Variants in ALS2 observed in about 807,000 individuals in gnomAD.
ALS2 encodes the protein alsin.
In ALS2, 117 loss-of-function variants were observed where a neutral mutation model predicts 203.4. The ratio of observed to expected loss-of-function variants is 0.58; its 90% CI spans 0.50 to 0.67. The LOEUF is 0.67. ALS2 is among the 30% of genes least tolerant of loss of function. The pLI, the probability that ALS2 is intolerant of heterozygous loss-of-function variation, is 0.00. For missense variants in ALS2, 1,715 were observed against 1,989.4 expected, an observed-to-expected ratio of 0.86 and a Z score of 2.62; for synonymous variants, 718 against 725.9, an observed-to-expected ratio of 0.99 and a Z score of 0.17.
At position 201,749,705 on chromosome 2, in the gene ALS2, A is replaced by T; in HGVS notation, c.1815+7T>A. ...GGAATAAGTTGCTATCAAGTTCACAAAAGTACCTTTGCAAGACGAGGAACT... is the reference window on the plus strand; with the variant it reads ...GGAATAAGTTGCTATCAAGTTCACATAAGTACCTTTGCAAGACGAGGAACT... On this transcript the variant is annotated splice_region_variant and intron_variant, in intron 8 of 33. Coordinates refer to ENST00000264276, the MANE Select transcript of ALS2 (RefSeq NM_020919.4). 6.2e-7 allele frequency: 1 copy of T among 1,612,370 alleles called. No homozygotes were observed.
At chr2:201,760,319 A>C (rs1465942518) in intron 4 of ALS2, 1 of 983,608 alleles carries the variant, frequency 1.0e-6, no homozygotes, top group Non-Finnish European at 1.2e-6. Context: ...TCAAAAACAA[A>C]CAAACAAAAA....
chr2:201,709,966 C>T lies in ALS2; in HGVS notation c.4195G>A (p.Val1399Met), dbSNP rs41309054. 19 of 1,613,982 alleles carry T rather than the reference C, an allele frequency of 1.2e-5. No individual in the cohort carries two copies. The highest frequency in any genetic ancestry group is 1.6e-4 in the Middle Eastern group (1 of 6,084). Residue 1399 changes from valine (V) to methionine (M), a missense_variant, in exon 27 of 34, where the codon GTG becomes ATG. Val to Met is a conservative substitution (Grantham distance 21, BLOSUM62 1). Coordinates refer to ENST00000264276, the MANE Select transcript of ALS2 (RefSeq NM_020919.4). ...AACCTGCGGTTGGCTCCTACGCCCA[C>T]GTATGTCATTCTATACACTGCAACC... is the stretch of plus-strand genomic sequence containing the variant. ...TLVAVYRMTY[V>M]GVGANRRLLQ...
chr2:201,771,837 T>C (rs911565861), intron 1 of ALS2, among the ~76,000 whole-genome samples: 2 of 152,252 alleles, frequency 1.3e-5, no homozygotes, highest in African/African-American at 2.4e-5. Context: ...GCAAGATCCT[T>C]GTACTCTGCT....
chr2:201,709,721 A>C lies in ALS2; in HGVS notation c.4280+160T>G, dbSNP rs187899478. Reference sequence around the variant, plus strand: ...ACAATAGCTAAGGTTCATCTTTTTTATGTTTATAGCTTACACATACATTTA... The same window carrying C: ...ACAATAGCTAAGGTTCATCTTTTTTCTGTTTATAGCTTACACATACATTTA... On this transcript the variant is annotated intron_variant, in intron 27 of 33. Transcript: ENST00000264276. Among the ~76,000 whole-genome samples, 7 of 152,340 alleles carry C rather than the reference A, an allele frequency of 4.6e-5. No homozygotes were observed. In the South Asian group the frequency reaches 6.2e-4, roughly 14 times the overall value.
At chr2:201,760,484 CTT>C (rs1428840489) in intron 4 of ALS2, 2 of 1,001,384 alleles carry the variant, frequency 2.0e-6, no homozygotes, top group Admixed American at 5.7e-5. Flanking sequence ...AAGGAAAAGA[CTT>C]TTCTCTACAG....
At position 201,726,688 on chromosome 2, in the gene ALS2, C is replaced by T. The variant is rs1064797281; in HGVS notation, c.3158G>A (p.Trp1053Ter). Reference protein sequence around the residue: ...RLKDATYDGRWLSGKPHGRGV... With the variant: ...RLKDATYDGR ...CCTGCCATGAGGCTTCCCTGAAAGCCAGCGTCCATCATAGGTGGCATCCTT... is the reference window on the plus strand; with the variant it reads ...CCTGCCATGAGGCTTCCCTGAAAGCTAGCGTCCATCATAGGTGGCATCCTT... The change falls in exon 18 of 34, where the codon TGG becomes TAG. Residue 1053 changes from tryptophan to a stop codon, truncating the protein, a stop_gained. Coordinates refer to ENST00000264276, the MANE Select transcript of ALS2 (RefSeq NM_020919.4). LOFTEE classifies it high-confidence loss of function. 3.1e-6 allele frequency: 5 copies of T among 1,614,020 alleles called. No homozygotes were observed. Among genetic ancestry groups the T allele is most frequent in the Non-Finnish European group, 4.2e-6 (5 of 1,180,040 alleles).
intron 12 of ALS2, among the ~76,000 whole-genome samples, chr2:201,735,403 C>T (rs1386352253): frequency 2.0e-5 from 3 of 152,100 alleles, no homozygotes; most frequent in Admixed American, 6.5e-5. Flanking sequence ...AGGAAAAAAA[C>T]TTGCATAATA....
At chr2:201,750,592 G>C (rs776670604) in intron 7 of ALS2, among the ~76,000 whole-genome samples, 1 of 46,284 alleles carries the variant, frequency 2.2e-5, no homozygotes, top group Non-Finnish European at 1.0e-4. Context: ...ACAGACAAAA[G>C]AAACTAGATT....
chr2:201,768,804 T>G, intron 2 of ALS2, 62 bp downstream of exon 2: 1 of 1,478,104 alleles, frequency 6.8e-7, no homozygotes, highest in Non-Finnish European at 9.5e-7. Context: ...AAGCTACACA[T>G]ATGTGAAGCT....
At chr2:201,707,747 A>C in intron 28 of ALS2, 122 bp downstream of exon 28, 1 of 1,363,324 alleles carries the variant, frequency 7.3e-7, no homozygotes, top group Non-Finnish European at 1.0e-6. Flanking sequence ...CCTGGCCCCA[A>C]CCATATCATT....
chr2:201,759,097 G>C (rs1224613734), intron 4 of ALS2, among the ~76,000 whole-genome samples: 1 of 152,098 alleles, frequency 6.6e-6, no homozygotes, highest in African/African-American at 2.4e-5. Flanking sequence ...ATGGTATTTA[G>C]AGGTAACTAT....
chr2:201,703,743 T>G (rs867351724), intron 33 of ALS2, among the ~76,000 whole-genome samples: 1 of 152,358 alleles, frequency 6.6e-6, no homozygotes. Flanking sequence ...AATTCATTAT[T>G]TACATACTGC....
At chr2:201,732,695 G>C (rs996099388) in intron 13 of ALS2, among the ~76,000 whole-genome samples, 1 of 152,220 alleles carries the variant, frequency 6.6e-6, no homozygotes, top group African/African-American at 2.4e-5. Context: ...TTTGAAAGGT[G>C]AATGTCTCAG....
At position 201,760,244 on chromosome 2, in the gene ALS2, G is replaced by A. The variant is rs535407316; in HGVS notation, c.1113+637C>T. 12 of 792,688 alleles carry A rather than the reference G, an allele frequency of 1.5e-5. No individual in the cohort carries two copies. The Admixed American group carries it at 3.1e-4, about 21-fold the overall frequency. The allele number at this position is 792,688 out of a possible 1,614,324, so 49.1% of individuals were successfully genotyped here. On this transcript the variant is annotated intron_variant, in intron 4 of 33. Coordinates refer to ENST00000264276, the MANE Select transcript of ALS2 (RefSeq NM_020919.4). The stretch of plus-strand genomic sequence containing the variant: ...GAGGATCGCTTGAACCTGGGAGATC[G>A]AGGCTGCAGTGAGCCACAATCGCAT...
At chr2:201,712,850 G>A (rs773543979) in intron 25 of ALS2, among the ~76,000 whole-genome samples, 11 of 151,998 alleles carry the variant, frequency 7.2e-5, no homozygotes, top group Non-Finnish European at 1.6e-4. Flanking sequence ...TCAGTATTTT[G>A]AAAATGTTGG....
At chr2:201,718,018 A>G (rs1248599416) in intron 24 of ALS2, 59 bp downstream of exon 24, 1 of 1,567,210 alleles carries the variant, frequency 6.4e-7, no homozygotes, top group African/African-American at 1.4e-5. Context: ...CAGCTTTGAT[A>G]AAAGCAAGAC....
rs757260883 is a variant in ALS2 at position 201,715,792 on chromosome 2, G to T, written c.3884C>A (p.Ala1295Glu). The change falls in exon 25 of 34, where the codon GCG (alanine) becomes GAG (glutamate). Residue 1295 changes from alanine (A) to glutamate (E), a missense_variant. Ala to Glu is a moderately radical substitution (Grantham distance 107). This residue lies in a region of ALS2 where 1,227 missense variants were observed against 1,413.5 expected (regional missense o/e 0.87). Transcript: ENST00000264276. ...LAVPADEKWKAVFDECWRQLG... is the reference protein window; with the variant it reads ...LAVPADEKWKEVFDECWRQLG... ...TTGGCGCCAACATTCGTCAAACACC[G>T]CTTTCCACTTCTCATCAGCTGGCAC... is the stretch of plus-strand genomic sequence containing the variant. 6.2e-7 allele frequency: 1 copy of T among 1,614,148 alleles called. No homozygotes were observed. Among genetic ancestry groups the T allele is most frequent in the South Asian group, 1.1e-5 (1 of 91,084 alleles).
chr2:201,767,358 C>A lies in ALS2; in HGVS notation c.46G>T (p.Glu16Ter). 1.2e-6 allele frequency: 2 copies of A among 1,614,086 alleles called. No individual in the cohort carries two copies. The highest frequency in any genetic ancestry group is 1.7e-6 in the Non-Finnish European group (2 of 1,180,008). ...RSSTEAEGSK[E>*]RGLVHIWQAG... ...TGCCAGATATGGACCAGGCCTCTTTCCTTGGATCCTTCTGCCTCTGTTGAG... is the reference window on the plus strand; with the variant it reads ...TGCCAGATATGGACCAGGCCTCTTTACTTGGATCCTTCTGCCTCTGTTGAG... Residue 16 changes from glutamate to a stop codon, truncating the protein, a stop_gained, in exon 3 of 34, where the codon GAA becomes TAA. Coordinates refer to ENST00000264276, the MANE Select transcript of ALS2 (RefSeq NM_020919.4). LOFTEE classifies it high-confidence loss of function.
At chr2:201,742,467 A>G (rs1205345048) in intron 10 of ALS2, among the ~76,000 whole-genome samples, 1 of 152,166 alleles carries the variant, frequency 6.6e-6, no homozygotes, top group African/African-American at 2.4e-5. Context: ...CTTCTTTCCA[A>G]GCAATTAGGA....
Sources: gnomAD v4.1 joint callset for allele counts (sites outside exome capture counted in the v4.1 genomes callset) on GRCh38, gnomAD v4.1.1 for gene constraint, gnomAD v4.1.1 regional missense constraint, MANE v1.5 for transcripts, NCBI Gene and HGNC (gene_info 2026-07-23, HGNC 2026-07-21) for gene names.